The following PRKCA variants were observed in gnomAD, a reference collection of about 807,000 sequenced individuals.
The protein encoded by PRKCA is protein kinase C alpha type.
PRKCA carries 27 observed loss-of-function variants against 87.0 expected under a neutral mutation model. The ratio of observed to expected loss-of-function variants is 0.31; its 90% CI spans 0.23 to 0.43. The LOEUF (loss-of-function observed/expected upper bound fraction) is 0.43, where lower values mean the gene tolerates loss of function less well. Ranked by LOEUF, PRKCA falls within the 20% of genes least tolerant of loss-of-function variation. PRKCA has a pLI of 1.00. For synonymous variants in PRKCA, 329 were observed against 311.1 expected, an observed-to-expected ratio of 1.06 and a Z score of -0.61; for missense variants, 518 against 852.3, an observed-to-expected ratio of 0.61 and a Z score of 4.88.
intron 2 of PRKCA, among the ~76,000 whole-genome samples, chr17:66,315,992 G>A (rs1027584854): frequency 2.6e-5 from 4 of 152,200 alleles, no homozygotes; most frequent in African/African-American, 9.6e-5. Flanking sequence ...AGTTTTTGAA[G>A]CATGTGGGAA....
At chr17:66,314,951 ATGTATATATGTG>A (rs1294652811) in intron 2 of PRKCA, among the ~76,000 whole-genome samples, 49 of 149,592 alleles carry the variant, frequency 3.3e-4, no homozygotes, top group African/African-American at 8.4e-4. Context: ...GTGTATGTGT[ATGTATATATGTG>A]TGTATATATG....
At chr17:66,548,946 C>T (rs936019995) in intron 3 of PRKCA, among the ~76,000 whole-genome samples, 20 of 151,860 alleles carry the variant, frequency 1.3e-4, no homozygotes, top group African/African-American at 4.6e-4. Context: ...TAGCTGGGAC[C>T]ACAAGTGCAC....
At chr17:66,708,807 C>T (rs1973250294) in intron 8 of PRKCA, among the ~76,000 whole-genome samples, 1 of 152,174 alleles carries the variant, frequency 6.6e-6, no homozygotes, top group African/African-American at 2.4e-5. Flanking sequence ...CTGTCCAATA[C>T]CAAGATTGCA....
At chr17:66,692,595 A>G (rs928156846) in intron 8 of PRKCA, among the ~76,000 whole-genome samples, 13 of 152,220 alleles carry the variant, frequency 8.5e-5, no homozygotes, top group African/African-American at 3.1e-4. Flanking sequence ...GGGTGCCATC[A>G]GTTGGCATCA....
intron 2 of PRKCA, among the ~76,000 whole-genome samples, chr17:66,319,038 AAG>A (rs1905489912): frequency 6.6e-6 from 1 of 152,076 alleles, no homozygotes; most frequent in African/African-American, 2.4e-5. Context: ...TGGAAGTGGG[AAG>A]ATTGCTTGAG....
intron 2 of PRKCA, among the ~76,000 whole-genome samples, chr17:66,340,980 T>TAATAATAAATAATAAATAAATAA (rs1907009212): frequency 6.6e-6 from 1 of 152,076 alleles, no homozygotes; most frequent in Non-Finnish European, 1.5e-5. Flanking sequence ...GTTGAGTCCT[T>TAATAATAAATAATAAATAAATAA]ATATTATTTA....
chr17:66,423,036 G>A (rs1272318969), intron 2 of PRKCA, among the ~76,000 whole-genome samples: 3 of 152,102 alleles, frequency 2.0e-5, no homozygotes, highest in Non-Finnish European at 4.4e-5. Flanking sequence ...GCTTGAACCA[G>A]GGAGGTGGAG....
At chr17:66,453,352 T>C (rs1914421436) in intron 2 of PRKCA, among the ~76,000 whole-genome samples, 1 of 151,766 alleles carries the variant, frequency 6.6e-6, no homozygotes, top group African/African-American at 2.4e-5. Flanking sequence ...GAGTCTTGCT[T>C]TGTCACCCAG....
At chr17:66,354,369 A>G (rs955662854) in intron 2 of PRKCA, among the ~76,000 whole-genome samples, 6 of 152,246 alleles carry the variant, frequency 3.9e-5, no homozygotes, top group African/African-American at 1.4e-4. Context: ...ACCTCTGCAT[A>G]CAGGATGCTG....
At chr17:66,770,692 C>T (rs551237839) in intron 13 of PRKCA, among the ~76,000 whole-genome samples, 19 of 152,276 alleles carry the variant, frequency 1.2e-4, no homozygotes, top group African/African-American at 3.6e-4. Flanking sequence ...GTGTCTGCCA[C>T]GGCAGCAGTA....
At chr17:66,687,762 G>A (rs1165684599) in intron 6 of PRKCA, among the ~76,000 whole-genome samples, 4 of 152,142 alleles carry the variant, frequency 2.6e-5, no homozygotes, top group Admixed American at 6.5e-5. Context: ...AGCCTGGGAG[G>A]GTTGCCAGGA....
chr17:66,558,899 G>A (rs1313806554), intron 3 of PRKCA, among the ~76,000 whole-genome samples: 1 of 152,120 alleles, frequency 6.6e-6, no homozygotes, highest in Non-Finnish European at 1.5e-5. Context: ...CTCGGACCGG[G>A]CATGCTTCTC....
At position 66,741,654 on chromosome 17, in the gene PRKCA, T is replaced by C; in HGVS notation, c.1323-5T>C. 8 of 1,614,196 alleles carry C rather than the reference T, an allele frequency of 5.0e-6. No individual in the cohort carries two copies. Among genetic ancestry groups the C allele is most frequent in the Non-Finnish European group, 6.8e-6 (8 of 1,180,028 alleles). On this transcript the variant is annotated splice_polypyrimidine_tract_variant and splice_region_variant and intron_variant, in intron 11 of 16. Transcript: ENST00000413366. ...GAGAAACCTGAAGCCCGTTTTCTTTTGCAGATTCTATGCGGCAGAGATTTC... is the reference window on the plus strand; with the variant it reads ...GAGAAACCTGAAGCCCGTTTTCTTTCGCAGATTCTATGCGGCAGAGATTTC...
chr17:66,581,858 T>C (rs72845936), intron 3 of PRKCA, among the ~76,000 whole-genome samples: 9,436 of 152,238 alleles, frequency 0.062, 380 homozygotes, highest in Non-Finnish European at 0.089. Context: ...CAACATGGTT[T>C]AATAAAACAT....
chr17:66,784,394 C>T (rs752139276), intron 14 of PRKCA, among the ~76,000 whole-genome samples: 15 of 152,248 alleles, frequency 9.9e-5, no homozygotes, highest in Non-Finnish European at 1.6e-4. Flanking sequence ...TACAGGCGTG[C>T]GCCACCACAG....
intron 8 of PRKCA, among the ~76,000 whole-genome samples, chr17:66,701,276 G>A (rs1219190846): frequency 2.0e-5 from 3 of 152,046 alleles, no homozygotes; most frequent in Non-Finnish European, 2.9e-5. Context: ...GATGCATTTC[G>A]TAGCATATAC....
intron 2 of PRKCA, among the ~76,000 whole-genome samples, chr17:66,419,381 CAT>C (rs376927440): frequency 5.5e-4 from 83 of 152,206 alleles, no homozygotes; most frequent in African/African-American, 1.7e-3. Flanking sequence ...TTTAATATAA[CAT>C]GTGTCTGTTG....
intron 3 of PRKCA, among the ~76,000 whole-genome samples, chr17:66,506,400 A>C (rs1916982625): frequency 6.6e-6 from 1 of 152,188 alleles, no homozygotes; most frequent in Non-Finnish European, 1.5e-5. Flanking sequence ...TCATATTTAC[A>C]CAGTGAATTC....
At chr17:66,458,277 CT>C (rs1914664241) in intron 2 of PRKCA, among the ~76,000 whole-genome samples, 1 of 152,102 alleles carries the variant, frequency 6.6e-6, no homozygotes, top group Non-Finnish European at 1.5e-5. Flanking sequence ...AATTAATCTG[CT>C]TTCTATTTAG....
Sources: allele counts gnomAD v4.1 joint callset (sites outside exome capture counted in the v4.1 genomes callset), GRCh38; gene constraint gnomAD v4.1.1; transcripts MANE v1.5; gene names NCBI Gene and HGNC (gene_info 2026-07-23, HGNC 2026-07-21).